Variants in LITAF observed in about 807,000 individuals in gnomAD.
LITAF encodes the protein lipopolysaccharide-induced tumor necrosis factor-alpha factor.
Under a neutral mutation model 14.5 loss-of-function variants are expected in LITAF, and 9 were observed. The ratio of observed to expected loss-of-function variants is 0.62; its 90% CI spans 0.37 to 1.08. The LOEUF (loss-of-function observed/expected upper bound fraction) is 1.08, where lower values mean the gene tolerates loss of function less well. Among genes scored for constraint, LITAF ranks in the 50% least tolerant of loss-of-function variants. The pLI, the probability that LITAF is intolerant of heterozygous loss-of-function variation, is 0.01. For missense variants in LITAF, 206 were observed against 213.4 expected (o/e 0.97, Z 0.22); for synonymous variants, 98 against 88.2 (o/e 1.11, Z -0.62).
chr16:11,613,579 G>A (rs1187920963), intron 3 of LITAF, among the ~76,000 whole-genome samples: 1 of 152,188 alleles, frequency 6.6e-6, no homozygotes, highest in Non-Finnish European at 1.5e-5. Flanking sequence ...ATTCAAACTG[G>A]GCTCCTATGA....
intron 3 of LITAF, among the ~76,000 whole-genome samples, chr16:11,627,291 A>G (rs2065089836): frequency 6.6e-6 from 1 of 152,184 alleles, no homozygotes; most frequent in Admixed American, 6.5e-5. Context: ...GAAAACCCGG[A>G]GCTGCCCAGC....
Position 11,549,752 on chromosome 16 carries a change from G to A in LITAF, c.378-7C>T, listed in dbSNP as rs969563231. ...GCAGCAGCCCGCTATGCACCTGGGAGGAGAGAGAGACACACGGAGCGCGTT... is the reference window on the plus strand; with the variant it reads ...GCAGCAGCCCGCTATGCACCTGGGAAGAGAGAGAGACACACGGAGCGCGTT... On this transcript the variant is annotated splice_region_variant and splice_polypyrimidine_tract_variant and intron_variant, in intron 3 of 3. Transcript: ENST00000622633. This position sits in a 1 kb window ranked among gnomAD's most constrained non-coding sequence, Gnocchi z 4.6. The A allele has an allele frequency of 1.1e-5, 18 of 1,609,272 alleles. No individual in the cohort carries two copies. Among genetic ancestry groups the A allele is most frequent in the Middle Eastern group, 1.7e-4 (1 of 6,044 alleles).
intron 1 of LITAF, among the ~76,000 whole-genome samples, chr16:11,579,904 C>A (rs1307295253): frequency 6.6e-6 from 1 of 152,204 alleles, no homozygotes; most frequent in Non-Finnish European, 1.5e-5. Flanking sequence ...GGATCTATTT[C>A]TTTGGCATAT....
intron 1 of LITAF, among the ~76,000 whole-genome samples, chr16:11,593,489 C>CA (rs930800212): frequency 2.7e-5 from 4 of 150,824 alleles, no homozygotes; most frequent in Non-Finnish European, 4.4e-5. Context: ...GGTATATACA[C>CA]AAAAAAACTG....
At chr16:11,639,290 T>G (rs2065154999), upstream of LITAF, among the ~76,000 whole-genome samples, 2 of 148,902 alleles carry the variant, frequency 1.3e-5, no homozygotes, top group African/African-American at 2.5e-5. Context: ...GATGGATGGG[T>G]GGTTAGAGGG....
Position 11,548,990 on chromosome 16 carries a change from T to C in LITAF, c.*647A>G, listed in dbSNP as rs142444271. Reference sequence around the variant, plus strand: ...GTGATAAGATCCAGCCCTATTTTTCTAGCATGCATTTACGACCTTGTGGAT... The same window carrying C: ...GTGATAAGATCCAGCCCTATTTTTCCAGCATGCATTTACGACCTTGTGGAT... On this transcript the variant is annotated 3_prime_UTR_variant, in exon 4 of 4. Transcript: ENST00000622633. The C allele has an allele frequency of 1.1e-5, 5 of 453,920 alleles. No individual in the cohort carries two copies. Among genetic ancestry groups the C allele is most frequent in the Non-Finnish European group, 2.2e-5 (5 of 226,788 alleles). 28.1% of individuals were successfully genotyped at this position (453,920 alleles called of 1,614,324 possible).
At position 11,565,469 on chromosome 16, in the gene LITAF, G is replaced by A. The variant is rs1032295022; in HGVS notation, c.-5-8734C>T. Reference sequence around the variant, plus strand: ...GGCGGGGGGGTGGGGGGAGGTGCGGGGAGGAGACACTGCTGGAAATCTCTA... The same window carrying A: ...GGCGGGGGGGTGGGGGGAGGTGCGGAGAGGAGACACTGCTGGAAATCTCTA... On this transcript the variant is annotated intron_variant, in intron 1 of 3. Transcript: ENST00000622633. 6.6e-5 allele frequency among the ~76,000 whole-genome samples: 10 copies of A among 151,584 alleles called. 1 individual carries two copies. Among genetic ancestry groups the A allele is most frequent in the African/African-American group, 2.4e-4 (10 of 41,218 alleles).
At chr16:11,633,841 A>G (rs906544864) in intron 2 of LITAF, among the ~76,000 whole-genome samples, 10 of 152,190 alleles carry the variant, frequency 6.6e-5, no homozygotes, top group African/African-American at 2.4e-4. Context: ...CACGAGACCC[A>G]AGAACCCTCT....
chr16:11,619,333 A>C (rs2065036349), intron 3 of LITAF, among the ~76,000 whole-genome samples: 1 of 151,900 alleles, frequency 6.6e-6, no homozygotes, highest in Non-Finnish European at 1.5e-5. Context: ...CAAAAAAAAA[A>C]ACCCCAGCAC....
intron 2 of LITAF, chr16:11,556,151 C>T (rs141646898): frequency 6.3e-5 from 26 of 413,064 alleles, no homozygotes; most frequent in Non-Finnish European, 8.2e-5. Context: ...CTATTCCTAC[C>T]TCGGCCCTGG....
At chr16:11,562,761 A>T (rs761040998) in intron 1 of LITAF, among the ~76,000 whole-genome samples, 26 of 152,128 alleles carry the variant, frequency 1.7e-4, no homozygotes, top group Non-Finnish European at 2.2e-4. Flanking sequence ...GCCGGGCGTT[A>T]TGGCAGATGC....
intron 3 of LITAF, among the ~76,000 whole-genome samples, chr16:11,612,957 C>T (rs1215123345): frequency 1.3e-5 from 2 of 152,152 alleles, no homozygotes; most frequent in Admixed American, 6.5e-5. Flanking sequence ...GGGGCACAGC[C>T]GATGGCCTGG....
intron 3 of LITAF, among the ~76,000 whole-genome samples, chr16:11,611,888 C>T (rs548373811): frequency 6.6e-6 from 1 of 152,132 alleles, no homozygotes; most frequent in South Asian, 2.1e-4. Context: ...TGGTCTCAAA[C>T]TCCTGACCTC....
chr16:11,584,680 C>T (rs538482775), intron 1 of LITAF, among the ~76,000 whole-genome samples: 1 of 152,156 alleles, frequency 6.6e-6, no homozygotes, highest in African/African-American at 2.4e-5. Flanking sequence ...TGTTCTCAAG[C>T]CCTTTCTGGA....
intron 1 of LITAF, among the ~76,000 whole-genome samples, chr16:11,576,554 A>AAAAAAAAAAAAAAAAAAGAC (rs1555469756): frequency 4.3e-5 from 5 of 116,658 alleles, no homozygotes; most frequent in African/African-American, 1.0e-4. Context: ...AAAAAAAAAA[A>AAAAAAAAAAAAAAAAAAGAC]AGAGAGAGAG....
chr16:11,585,227 T>C (rs1434155569), intron 1 of LITAF, among the ~76,000 whole-genome samples: 152 of 135,398 alleles, frequency 1.1e-3, no homozygotes, highest in African/African-American at 4.0e-3. Context: ...TGAGACTCTG[T>C]CTCAAAAAAA....
upstream of LITAF, among the ~76,000 whole-genome samples, chr16:11,638,518 T>G (rs900077972): frequency 1.3e-5 from 2 of 151,340 alleles, no homozygotes; most frequent in Admixed American, 6.6e-5. Flanking sequence ...CTGACCAACA[T>G]GATGAAACCC....
chr16:11,637,905 T>A (rs1245937321), upstream of LITAF, among the ~76,000 whole-genome samples: 1 of 61,358 alleles, frequency 1.6e-5, no homozygotes, highest in Non-Finnish European at 2.8e-5. Flanking sequence ...AAACTATATA[T>A]ATATATATCT....
Position 11,580,456 on chromosome 16 carries a change from C to T in LITAF, c.-6+6430G>A, listed in dbSNP as rs145862169. On this transcript the variant is annotated intron_variant, in intron 1 of 3. Coordinates refer to ENST00000622633, the MANE Select transcript of LITAF (RefSeq NM_001136472.2). ...TATTTTTAGTAGAGACGGGGTTTCACCATGTTGGCCAGGCTGTTCTTGAAC... is the reference window on the plus strand; with the variant it reads ...TATTTTTAGTAGAGACGGGGTTTCATCATGTTGGCCAGGCTGTTCTTGAAC... 2.6e-3 allele frequency among the ~76,000 whole-genome samples: 394 copies of T among 152,216 alleles called. 4 individuals carry two copies. Among genetic ancestry groups the T allele is most frequent in the African/African-American group, 9.1e-3 (379 of 41,524 alleles).
Sources: allele counts gnomAD v4.1 joint callset (sites outside exome capture counted in the v4.1 genomes callset), GRCh38; gene constraint gnomAD v4.1.1; non-coding constraint Gnocchi (gnomAD v3.1); transcripts MANE v1.5; gene names NCBI Gene and HGNC (gene_info 2026-07-23, HGNC 2026-07-21).